Variants in CYBB observed in about 807,000 individuals in gnomAD.
CYBB encodes the protein NADPH oxidase 2.
CYBB carries 5 observed loss-of-function variants against 46.5 expected under a neutral mutation model. The ratio of observed to expected loss-of-function variants is 0.11; its 90% CI spans 0.06 to 0.23. The LOEUF is 0.23. Ranked by LOEUF, CYBB falls within the 10% of genes least tolerant of loss-of-function variation. The probability of loss-of-function intolerance (pLI) is 1.00; values close to 1 mark genes in which losing one functional copy is unlikely to be tolerated. For missense variants in CYBB, 307 were observed against 428.3 expected (o/e 0.72, Z 2.50); for synonymous variants, 183 against 156.7 (o/e 1.17, Z -1.26).
At chrX:37,791,904 T>C in intron 3 of CYBB, 71 bp from the exon 4 acceptor site, 1 of 766,098 alleles carries the variant, frequency 1.3e-6, no homozygotes, top group Non-Finnish European at 2.0e-6. Context: ...ATAATATGTA[T>C]CAAATGTTTG....
At chrX:37,804,945 C>A (rs1929525406) in intron 9 of CYBB, 61 bp from the exon 10 acceptor site, 1 of 1,085,457 alleles carries the variant, frequency 9.2e-7, no homozygotes, top group East Asian at 3.0e-5. Flanking sequence ...ATTATGGGTG[C>A]CCCATCTCAC....
chrX:37,809,588 C>G lies in CYBB; in HGVS notation c.1483C>G (p.His495Asp), dbSNP rs1929629569. 8.3e-7 allele frequency: 1 copy of G among 1,199,117 alleles called. No homozygotes were observed. The highest frequency in any genetic ancestry group is 1.1e-6 in the Non-Finnish European group (1 of 889,127). Residue 495 changes from histidine to aspartate, a missense_variant, in exon 12 of 13, where the codon CAT (histidine) becomes GAT (aspartate). By Grantham distance (81) the His-to-Asp change is moderately conservative. Coordinates refer to ENST00000378588, the MANE Select transcript of CYBB (RefSeq NM_000397.4). ...ESQANHFAVH[H>D]DEEKDVITGL... is the part of the protein sequence containing the mutation. ...GTAGGCCAATCACTTTGCTGTGCACCATGATGAGGAGAAAGATGTGATCAC... is the reference window on the plus strand; with the variant it reads ...GTAGGCCAATCACTTTGCTGTGCACGATGATGAGGAGAAAGATGTGATCAC...
chrX:37,786,905 G>GT (rs1467947969), intron 3 of CYBB, among the ~76,000 whole-genome samples: 45 of 104,776 alleles, frequency 4.3e-4, no homozygotes, highest in Middle Eastern at 5.0e-3. Flanking sequence ...CTGTCTCATA[G>GT]TTTTTTTTTT....
chrX:37,780,964 A>G (rs1175594641), intron 1 of CYBB, among the ~76,000 whole-genome samples: 2 of 112,058 alleles, frequency 1.8e-5, no homozygotes, highest in African/African-American at 6.5e-5. Context: ...AAGTACAATT[A>G]TGAATGGAAT....
intron 11 of CYBB, 40 bp downstream of exon 11, chrX:37,806,573 G>T (rs1208900059): frequency 8.6e-7 from 1 of 1,163,098 alleles, no homozygotes; most frequent in African/African-American, 1.8e-5. Context: ...TTCCCATAGT[G>T]TACAGGGCTT....
chrX:37,792,915 G>A (rs782017189), intron 4 of CYBB, among the ~76,000 whole-genome samples: 1 of 109,717 alleles, frequency 9.1e-6, no homozygotes, highest in Non-Finnish European at 1.9e-5. Context: ...ACATATTTGC[G>A]TGCCAGAGGT....
rs782174347 is a variant in CYBB, at chrX:37,798,978, C to T, written c.698C>T (p.Ala233Val). The change falls in exon 7 of 13, where the codon GCA (alanine) becomes GTA (valine). Residue 233 changes from alanine (A) to valine (V), a missense_variant. This residue lies in a region of CYBB where 82 missense variants were observed against 69.9 expected (regional missense o/e 1.17). Transcript: ENST00000378588. ...GAERIVRGQT[A>V]ESLAVHNITV... Reference sequence around the variant, plus strand: ...AGACGAATTGTACGTGGGCAGACCGCAGAGAGTTTGGCTGTGCATAATATA... The same window carrying T: ...AGACGAATTGTACGTGGGCAGACCGTAGAGAGTTTGGCTGTGCATAATATA... 2 of 1,206,584 alleles carry T rather than the reference C, an allele frequency of 1.7e-6. No individual in the cohort carries two copies. The highest frequency in any genetic ancestry group is 2.2e-6 in the Non-Finnish European group (2 of 892,879).
intron 3 of CYBB, among the ~76,000 whole-genome samples, chrX:37,790,339 G>C (rs1274148927): frequency 9.0e-6 from 1 of 111,490 alleles, no homozygotes; most frequent in Non-Finnish European, 1.9e-5. Context: ...TAGGCACTTA[G>C]AATAATAGTG....
chrX:37,790,482 T>G (rs1929175051), intron 3 of CYBB, among the ~76,000 whole-genome samples: 1 of 112,259 alleles, frequency 8.9e-6, no homozygotes, highest in African/African-American at 3.2e-5. Context: ...AGATTTACCT[T>G]GTTGCATTAA....
intron 3 of CYBB, among the ~76,000 whole-genome samples, chrX:37,786,905 G>GTT (rs1467947969): frequency 9.5e-6 from 1 of 104,966 alleles, no homozygotes; most frequent in Non-Finnish European, 2.0e-5. Context: ...CTGTCTCATA[G>GTT]TTTTTTTTTT....
rs926224585 is a variant in CYBB at position 37,813,339 on chromosome X, G to A, written c.*2422G>A. 9.3e-6 allele frequency: 1 copy of A among 107,685 alleles called. No individual in the cohort carries two copies. The highest frequency in any genetic ancestry group is 3.4e-5 in the African/African-American group (1 of 29,349). The allele number at this position is 107,685 out of a possible 1,213,427, so 8.9% of individuals were successfully genotyped here. A position where few individuals can be genotyped will look rare whatever the true frequency, so the allele number is the denominator to read the frequency against. On this transcript the variant is annotated 3_prime_UTR_variant, in exon 13 of 13. Coordinates refer to ENST00000378588, the MANE Select transcript of CYBB (RefSeq NM_000397.4). Reference sequence around the variant, plus strand: ...TCTTAGTTCTTCTGCTTTTGCAATTGTGTTTGTGAAATTTGAATACTTGCA... The same window carrying A: ...TCTTAGTTCTTCTGCTTTTGCAATTATGTTTGTGAAATTTGAATACTTGCA...
At chrX:37,807,148 G>A (rs1569480189) in intron 11 of CYBB, among the ~76,000 whole-genome samples, 2 of 110,394 alleles carry the variant, frequency 1.8e-5, no homozygotes, top group Non-Finnish European at 3.8e-5. Context: ...CACATTTAAG[G>A]TAGTCTAGAC....
At position 37,782,109 on chromosome X, in the gene CYBB, G is replaced by A. The variant is rs781986436; in HGVS notation, c.67G>A (p.Val23Ile). The A allele has an allele frequency of 8.3e-6, 10 of 1,210,048 alleles. No homozygotes were observed. In the South Asian group the frequency reaches 1.2e-4, roughly 15 times the overall value. ...FVILVWLGLN[V>I]FLFVWYYRVY... Reference sequence around the variant, plus strand: ...GCAGCTGGTTTGGCTGGGGTTGAACGTCTTCCTCTTTGTCTGGTATTACCG... The same window carrying A: ...GCAGCTGGTTTGGCTGGGGTTGAACATCTTCCTCTTTGTCTGGTATTACCG... Residue 23 changes from valine (V) to isoleucine (I), a missense_variant, in exon 2 of 13, where the codon GTC (valine) becomes ATC (isoleucine). By Grantham distance (29) the Val-to-Ile change is conservative. This residue lies in a region of CYBB where 103 missense variants were observed against 150.2 expected (regional missense o/e 0.69). Coordinates refer to ENST00000378588, the MANE Select transcript of CYBB (RefSeq NM_000397.4).
At chrX:37,803,762 C>A in intron 8 of CYBB, 115 bp from the exon 9 acceptor site, 1 of 725,874 alleles carries the variant, frequency 1.4e-6, no homozygotes, top group Non-Finnish European at 2.1e-6. Context: ...CCTGTGTTGT[C>A]CCTAAAGCAG....
intron 8 of CYBB, among the ~76,000 whole-genome samples, chrX:37,802,492 C>T (rs1050097715): frequency 2.7e-5 from 3 of 111,410 alleles, no homozygotes; most frequent in African/African-American, 9.8e-5. Flanking sequence ...GAATGCTGTC[C>T]ACTTATTTAG....
intron 4 of CYBB, among the ~76,000 whole-genome samples, chrX:37,793,212 C>A (rs781970865): frequency 1.8e-5 from 2 of 108,179 alleles, no homozygotes; most frequent in East Asian, 5.8e-4. Context: ...TTTGTCATCT[C>A]TCTCTGGAGG....
chrX:37,807,598 G>A (rs1423850858), intron 11 of CYBB, among the ~76,000 whole-genome samples: 8 of 110,652 alleles, frequency 7.2e-5, no homozygotes, highest in Admixed American at 1.9e-4. Context: ...ATTTTCCTAA[G>A]AGCACCCAAC....
At chrX:37,792,655 C>T (rs1314844605) in intron 4 of CYBB, among the ~76,000 whole-genome samples, 1 of 110,379 alleles carries the variant, frequency 9.1e-6, no homozygotes, top group African/African-American at 3.3e-5. Context: ...TATCTAATTC[C>T]ACTAATTCAC....
chrX:37,796,381 A>G (rs1556468467), intron 6 of CYBB, among the ~76,000 whole-genome samples: 1 of 111,901 alleles, frequency 8.9e-6, no homozygotes, highest in Non-Finnish European at 1.9e-5. Context: ...AAAATACACC[A>G]AAGTCTGAGT....
Sources: gnomAD v4.1 joint callset for allele counts (sites outside exome capture counted in the v4.1 genomes callset) on GRCh38, gnomAD v4.1.1 for gene constraint, gnomAD v4.1.1 regional missense constraint, MANE v1.5 for transcripts, NCBI Gene and HGNC (gene_info 2026-07-23, HGNC 2026-07-21) for gene names.